The following OXR1 variants were observed in gnomAD, a reference collection of about 807,000 sequenced individuals.
The protein encoded by OXR1 is oxidation resistance protein 1.
OXR1 carries 41 observed loss-of-function variants against 104.6 expected under a neutral mutation model. The observed-to-expected ratio is 0.39, with a 90% CI of 0.31 to 0.51. The LOEUF is 0.51. Among genes scored for constraint, OXR1 ranks in the 20% least tolerant of loss-of-function variants. OXR1 has a pLI of 0.77. For synonymous variants in OXR1, 348 were observed against 348.4 expected, an observed-to-expected ratio of 1.00 and a Z score of 0.01; for missense variants, 955 against 1,031.9, an observed-to-expected ratio of 0.93 and a Z score of 1.02.
chr8:106,323,234 C>A lies in OXR1; in HGVS notation c.-138-36242C>A, dbSNP rs908892220. Among the ~76,000 whole-genome samples the A allele has an allele frequency of 2.6e-5, 4 of 152,294 alleles. No homozygotes were observed. In the South Asian group the frequency reaches 8.3e-4, roughly 32 times the overall value. On this transcript the variant is annotated intron_variant, in intron 1 of 16. Coordinates refer to ENST00000517566, the MANE Select transcript of OXR1 (RefSeq NM_001198533.2). Reference sequence around the variant, plus strand: ...TAGAGAGCCCAGAAAGAAGTCTGCACATCTACGACCACTTGATCTTTAACA... The same window carrying A: ...TAGAGAGCCCAGAAAGAAGTCTGCAAATCTACGACCACTTGATCTTTAACA...
At chr8:106,622,485 A>ACCC (rs1554605211) in intron 3 of OXR1, among the ~76,000 whole-genome samples, 1 of 131,476 alleles carries the variant, frequency 7.6e-6, no homozygotes, top group Non-Finnish European at 1.7e-5. Context: ...ACACACACAC[A>ACCC]CCCCTTACTT....
intron 2 of OXR1, among the ~76,000 whole-genome samples, chr8:106,489,131 G>A (rs540238334): frequency 1.3e-4 from 19 of 149,646 alleles, no homozygotes; most frequent in Non-Finnish European, 2.5e-4. Flanking sequence ...CCTTGAAGAG[G>A]TCCTTCACAT....
Position 106,692,891 on chromosome 8 carries a change from C to T in OXR1, c.675+14C>T. The T allele has an allele frequency of 6.4e-7, 1 of 1,565,322 alleles. No individual in the cohort carries two copies. Among genetic ancestry groups the T allele is most frequent in the Admixed American group, 1.8e-5 (1 of 54,854 alleles). ...ACCAGTGGCAAGGTAAAGAATGACA[C>T]TTTAGAGAAGACCTTTAATCATGCT... On this transcript the variant is annotated intron_variant, in intron 7 of 16. Transcript: ENST00000517566.
intron 2 of OXR1, among the ~76,000 whole-genome samples, chr8:106,412,064 G>C (rs888292547): frequency 6.6e-6 from 1 of 152,108 alleles, no homozygotes; most frequent in African/African-American, 2.4e-5. Context: ...AAAGTTCTTA[G>C]TACATTCCTG....
At chr8:106,677,534 G>A (rs577139015) in intron 3 of OXR1, among the ~76,000 whole-genome samples, 1 of 152,008 alleles carries the variant, frequency 6.6e-6, no homozygotes, top group South Asian at 2.1e-4. Flanking sequence ...TTACCAACCC[G>A]ATAGGTGTGA....
At chr8:106,341,202 C>T (rs1021849212) in intron 1 of OXR1, among the ~76,000 whole-genome samples, 1 of 152,000 alleles carries the variant, frequency 6.6e-6, no homozygotes, top group Non-Finnish European at 1.5e-5. Context: ...GGGACTAAGG[C>T]TACTATTTTC....
intron 2 of OXR1, among the ~76,000 whole-genome samples, chr8:106,471,668 A>T (rs1414751035): frequency 2.6e-5 from 4 of 151,876 alleles, no homozygotes; most frequent in African/African-American, 9.7e-5. Flanking sequence ...GCAGCATACC[A>T]AGCTAGTGCT....
At position 106,695,072 on chromosome 8, in the gene OXR1, T is replaced by C. The variant is rs192252108; in HGVS notation, c.675+2195T>C. On this transcript the variant is annotated intron_variant, in intron 7 of 16. Transcript: ENST00000517566. ...CACACCTTACAACAGTATACTTTTA[T>C]TTCCCCCTTCCAGCCTTTGTGTTCT... Among the ~76,000 whole-genome samples, 89 of 147,906 alleles carry C rather than the reference T, an allele frequency of 6.0e-4. 1 individual carries two copies. In the East Asian group the frequency reaches 0.017, roughly 28 times the overall value.
rs886452702 is a variant in OXR1, at chr8:106,274,608, C to T, written c.-139+4241C>T. On this transcript the variant is annotated intron_variant, in intron 1 of 16. Coordinates refer to ENST00000517566, the MANE Select transcript of OXR1 (RefSeq NM_001198533.2). ...GGGCACCCAGCAACGCCACCCCCCC[C>T]CCGACCCCGCCCTTTCTCCTGTGCA... 2.8e-5 allele frequency among the ~76,000 whole-genome samples: 4 copies of T among 143,258 alleles called. No individual in the cohort carries two copies. In the South Asian group the frequency reaches 1.1e-3, roughly 38 times the overall value. 94.0% of individuals were successfully genotyped at this position (143,258 alleles called of 152,430 possible). A position where few individuals can be genotyped will look rare whatever the true frequency, so the allele number is the denominator to read the frequency against.
At chr8:106,690,956 A>C (rs1474887309) in intron 6 of OXR1, among the ~76,000 whole-genome samples, 3 of 151,944 alleles carry the variant, frequency 2.0e-5, no homozygotes, top group Non-Finnish European at 4.4e-5. Context: ...TTTCAATCGC[A>C]AAAGAGGAAA....
chr8:106,547,325 T>C (rs1312542271), intron 3 of OXR1, among the ~76,000 whole-genome samples: 1 of 152,128 alleles, frequency 6.6e-6, no homozygotes, highest in Admixed American at 6.5e-5. Flanking sequence ...CTCCAGACAC[T>C]GGCAACCATC....
At chr8:106,451,871 A>G (rs1820332155) in intron 2 of OXR1, among the ~76,000 whole-genome samples, 1 of 152,204 alleles carries the variant, frequency 6.6e-6, no homozygotes, top group African/African-American at 2.4e-5. Context: ...TTTACAGGTT[A>G]GTGGGTGAGA....
intron 7 of OXR1, among the ~76,000 whole-genome samples, chr8:106,700,417 A>C (rs1332043519): frequency 1.3e-5 from 2 of 152,212 alleles, no homozygotes; most frequent in Non-Finnish European, 2.9e-5. Flanking sequence ...GATGTCTAAC[A>C]GATTACCGCA....
intron 2 of OXR1, among the ~76,000 whole-genome samples, chr8:106,489,903 T>C (rs1810962413): frequency 6.6e-6 from 1 of 152,196 alleles, no homozygotes; most frequent in South Asian, 2.1e-4. Context: ...AAGGTGATCA[T>C]ATAATTTTTG....
intron 2 of OXR1, among the ~76,000 whole-genome samples, chr8:106,503,681 T>C (rs1811961683): frequency 6.6e-6 from 1 of 152,200 alleles, no homozygotes; most frequent in Non-Finnish European, 1.5e-5. Flanking sequence ...GACAAGGGGA[T>C]GTAAAGAGCT....
chr8:106,289,691 A>G (rs1812666621), intron 1 of OXR1, among the ~76,000 whole-genome samples: 1 of 152,216 alleles, frequency 6.6e-6, no homozygotes, highest in African/African-American at 2.4e-5. Flanking sequence ...ACAAAGCTAT[A>G]GTAACCAAAA....
chr8:106,317,257 A>G (rs958286570), intron 1 of OXR1, among the ~76,000 whole-genome samples: 15 of 152,186 alleles, frequency 9.9e-5, no homozygotes, highest in Admixed American at 2.6e-4. Flanking sequence ...TCACTGAATC[A>G]TGCTGTGAGG....
intron 1 of OXR1, among the ~76,000 whole-genome samples, chr8:106,322,000 G>A (rs542130153): frequency 1.3e-5 from 2 of 152,234 alleles, no homozygotes; most frequent in South Asian, 2.1e-4. Context: ...TAAGAAAATA[G>A]TATATGATGC....
At chr8:106,640,753 G>A (rs1373525192) in intron 3 of OXR1, among the ~76,000 whole-genome samples, 1 of 151,978 alleles carries the variant, frequency 6.6e-6, no homozygotes, top group Non-Finnish European at 1.5e-5. Context: ...TTAAAATTTT[G>A]AAATTCAAAT....
Sources: allele counts gnomAD v4.1 joint callset (sites outside exome capture counted in the v4.1 genomes callset), GRCh38; gene constraint gnomAD v4.1.1; transcripts MANE v1.5; gene names NCBI Gene and HGNC (gene_info 2026-07-23, HGNC 2026-07-21).